The following FBXL5 variants were observed in gnomAD, a reference collection of about 807,000 sequenced individuals.
FBXL5 encodes F-box and leucine rich repeat protein 5.
In FBXL5, 26 loss-of-function variants were observed where a neutral mutation model predicts 78.3. The observed-to-expected ratio is 0.33, with a 90% CI of 0.24 to 0.46. The LOEUF is 0.46. Among genes scored for constraint, FBXL5 ranks in the 20% least tolerant of loss-of-function variants. The probability of loss-of-function intolerance (pLI) is 1.00; values close to 1 mark genes in which losing one functional copy is unlikely to be tolerated. For synonymous variants in FBXL5, 295 were observed against 282.5 expected, an observed-to-expected ratio of 1.04 and a Z score of -0.45; for missense variants, 710 against 829.2, an observed-to-expected ratio of 0.86 and a Z score of 1.77.
chr4:15,639,986 C>T (rs1714678293), intron 3 of FBXL5, among the ~76,000 whole-genome samples: 1 of 152,048 alleles, frequency 6.6e-6, no homozygotes, highest in African/African-American at 2.4e-5. Context: ...AAACGTTTTG[C>T]CCATTCATTC....
At chr4:15,657,093 C>G (rs1717022170), upstream of FBXL5, among the ~76,000 whole-genome samples, 1 of 152,164 alleles carries the variant, frequency 6.6e-6, no homozygotes, top group Non-Finnish European at 1.5e-5. Context: ...TCCCTTTCAC[C>G]CCGTTTCTCG....
At chr4:15,612,549 T>C in intron 9 of FBXL5, 135 bp from the exon 10 acceptor site, 1 of 759,980 alleles carries the variant, frequency 1.3e-6, no homozygotes, top group Non-Finnish European at 2.1e-6. Flanking sequence ...TGTAAAACAC[T>C]GATAACTAAC....
chr4:15,625,316 T>A lies in FBXL5; in HGVS notation c.1786A>T (p.Thr596Ser), dbSNP rs749525729. 2 of 1,614,072 alleles carry A rather than the reference T, an allele frequency of 1.2e-6. No individual in the cohort carries two copies. The highest frequency in any genetic ancestry group is 1.7e-6 in the Non-Finnish European group (2 of 1,180,036). The change falls in exon 9 of 11, where the codon ACT becomes TCT. Residue 596 changes from threonine (T) to serine (S), a missense_variant. Thr to Ser is a moderately conservative substitution (Grantham distance 58). Transcript: ENST00000341285. ...CTGAGAAACAGAAGTACACGTCCAG[T>A]CTCTTGATCAGATTTTTCACTCCCA... ...YFGSEKSDQE[T>S]GRVLLFLSLS... is the part of the protein sequence containing the mutation.
chr4:15,608,168 G>A (rs1722009423), intron 10 of FBXL5, among the ~76,000 whole-genome samples: 1 of 152,066 alleles, frequency 6.6e-6, no homozygotes, highest in Non-Finnish European at 1.5e-5. Context: ...GAAATATTAT[G>A]CTAAATTTCA....
At chr4:15,664,077 A>G (rs1332020186), upstream of FBXL5, among the ~76,000 whole-genome samples, 1 of 152,238 alleles carries the variant, frequency 6.6e-6, no homozygotes, top group African/African-American at 2.4e-5. Flanking sequence ...CCAAGATTCA[A>G]ACTTAGGCAG....
chr4:15,640,542 A>T (rs1189483638), intron 3 of FBXL5, among the ~76,000 whole-genome samples: 1 of 152,110 alleles, frequency 6.6e-6, no homozygotes, highest in Non-Finnish European at 1.5e-5. Flanking sequence ...TTTACAAAAA[A>T]GAAAATTAAT....
intron 9 of FBXL5, among the ~76,000 whole-genome samples, chr4:15,618,305 G>C (rs1032319601): frequency 6.6e-6 from 1 of 152,180 alleles, no homozygotes; most frequent in Admixed American, 6.5e-5. Context: ...GCTGAGGTGG[G>C]AGGATTGCTT....
At chr4:15,627,061 T>A (rs1577444309) in intron 7 of FBXL5, 106 bp from the exon 8 acceptor site, 10 of 457,228 alleles carry the variant, frequency 2.2e-5, no homozygotes, top group South Asian at 3.8e-5. Flanking sequence ...TTTGTGAATA[T>A]AAAAAAAAAT....
chr4:15,646,731 T>G (rs1247082004), intron 1 of FBXL5, among the ~76,000 whole-genome samples: 1 of 129,886 alleles, frequency 7.7e-6, no homozygotes, highest in African/African-American at 2.8e-5. Context: ...GTGTGTGATG[T>G]TCCCCTTCCC....
chr4:15,626,990 C>T (rs760387220), intron 7 of FBXL5, 35 bp from the exon 8 acceptor site: 2 of 1,398,708 alleles, frequency 1.4e-6, no homozygotes, highest in Non-Finnish European at 2.0e-6. Context: ...TAAAGATCTG[C>T]AGAACTTCAG....
At chr4:15,626,011 T>C (rs762881626) in intron 8 of FBXL5, 34 bp from the exon 9 acceptor site, 2 of 1,497,930 alleles carry the variant, frequency 1.3e-6, no homozygotes, top group East Asian at 2.3e-5. Flanking sequence ...TAATGAATAT[T>C]GTTAAATTTT....
At chr4:15,671,835 A>T (rs1717783267) in intron 1 of FBXL5, among the ~76,000 whole-genome samples, 1 of 152,206 alleles carries the variant, frequency 6.6e-6, no homozygotes, top group Non-Finnish European at 1.5e-5. Flanking sequence ...CCAATCTGCC[A>T]TTAAACCCAT....
intron 6 of FBXL5, among the ~76,000 whole-genome samples, chr4:15,628,377 T>C (rs1031444384): frequency 6.6e-6 from 1 of 152,132 alleles, no homozygotes; most frequent in East Asian, 1.9e-4. Context: ...CAAAGGAAGG[T>C]ACTTTAGAAT....
At chr4:15,606,962 A>G (rs867420673) in intron 10 of FBXL5, among the ~76,000 whole-genome samples, 1 of 152,224 alleles carries the variant, frequency 6.6e-6, no homozygotes, top group Non-Finnish European at 1.5e-5. Flanking sequence ...AACTAAACAC[A>G]TAGAACACAT....
rs1284811096 is a variant in FBXL5 at position 15,638,701 on chromosome 4, TAAAC to T, written c.397-11_397-8del. 2.6e-6 allele frequency: 4 copies of T among 1,547,446 alleles called. No homozygotes were observed. The highest frequency in any genetic ancestry group is 1.9e-5 in the Admixed American group (1 of 52,938). On this transcript the variant is annotated splice_region_variant and splice_polypyrimidine_tract_variant and intron_variant, in intron 3 of 10. Transcript: ENST00000341285. ...TTAACATGGGCTGAAAAACCTAAATTAAACAAAATATTCACGAGGAAAGATGCTT... is the reference window on the plus strand; with the variant it reads ...TTAACATGGGCTGAAAAACCTAAATTAAAATATTCACGAGGAAAGATGCTT...
intron 9 of FBXL5, among the ~76,000 whole-genome samples, chr4:15,623,054 A>G (rs1008735981): frequency 2.0e-5 from 3 of 152,160 alleles, no homozygotes; most frequent in Non-Finnish European, 4.4e-5. Flanking sequence ...ATAACAACTA[A>G]AAACCTTTTC....
upstream of FBXL5, among the ~76,000 whole-genome samples, chr4:15,662,304 A>C (rs1360622471): frequency 6.6e-6 from 1 of 152,208 alleles, no homozygotes; most frequent in Admixed American, 6.5e-5. Context: ...GGTAGTCTTC[A>C]TATTTAAGTT....
intron 9 of FBXL5, among the ~76,000 whole-genome samples, chr4:15,613,848 T>TGG (rs1281477724): frequency 4.3e-4 from 66 of 151,894 alleles, no homozygotes; most frequent in African/African-American, 1.1e-3. Context: ...AACTTTTGTT[T>TGG]TTTTTTTTAT....
chr4:15,613,895 T>C (rs536843188), intron 9 of FBXL5, among the ~76,000 whole-genome samples: 4 of 152,324 alleles, frequency 2.6e-5, no homozygotes, highest in Admixed American at 6.5e-5. Flanking sequence ...CTGGTGCCTC[T>C]TCCAGTAGCT....
Sources: allele counts gnomAD v4.1 joint callset (sites outside exome capture counted in the v4.1 genomes callset), GRCh38; gene constraint gnomAD v4.1.1; transcripts MANE v1.5; gene names NCBI Gene and HGNC (gene_info 2026-07-23, HGNC 2026-07-21).